The following PTPRK variants were observed in gnomAD, a reference collection of about 807,000 sequenced individuals.
PTPRK encodes receptor-type tyrosine-protein phosphatase kappa.
Under a neutral mutation model 178.0 loss-of-function variants are expected in PTPRK, and 75 were observed. The observed-to-expected ratio is 0.42, with a 90% CI of 0.35 to 0.51. PTPRK has a LOEUF of 0.51. Among genes scored for constraint, PTPRK ranks in the 20% least tolerant of loss-of-function variants. The probability of loss-of-function intolerance (pLI) is 0.02; values close to 1 mark genes in which losing one functional copy is unlikely to be tolerated. For synonymous variants in PTPRK, 637 were observed against 620.6 expected, an observed-to-expected ratio of 1.03 and a Z score of -0.39; for missense variants, 1,441 against 1,797.8, an observed-to-expected ratio of 0.80 and a Z score of 3.59.
chr6:128,070,544 C>T (rs1782635584), intron 11 of PTPRK, among the ~76,000 whole-genome samples: 1 of 151,890 alleles, frequency 6.6e-6, no homozygotes, highest in South Asian at 2.1e-4. Context: ...CACATAAATA[C>T]AAAAAGACTT....
At chr6:128,248,398 C>T (rs1815855063) in intron 3 of PTPRK, among the ~76,000 whole-genome samples, 1 of 152,162 alleles carries the variant, frequency 6.6e-6, no homozygotes, top group African/African-American at 2.4e-5. Flanking sequence ...ATCTTTCACT[C>T]TCTTTGCCCT....
rs1055870237 is a variant in PTPRK, at chr6:128,116,008, C to T, written c.1163-26016G>A. Among the ~76,000 whole-genome samples the T allele has an allele frequency of 7.2e-5, 11 of 152,068 alleles. 1 individual carries two copies. Among genetic ancestry groups the T allele is most frequent in the Admixed American group, 7.2e-4 (11 of 15,256 alleles). On this transcript the variant is annotated intron_variant, in intron 7 of 29. Coordinates refer to ENST00000368226, the MANE Select transcript of PTPRK (RefSeq NM_002844.4). Reference sequence around the variant, plus strand: ...CACTAAAGCCCTCCTTAACATTCCTCCCCAAAACTACTCACAGACTATTGC... The same window carrying T: ...CACTAAAGCCCTCCTTAACATTCCTTCCCAAAACTACTCACAGACTATTGC...
intron 3 of PTPRK, among the ~76,000 whole-genome samples, chr6:128,268,918 G>A (rs971872762): frequency 6.6e-6 from 1 of 151,920 alleles, no homozygotes. Context: ...AAACACAGAG[G>A]ATTTAAATAT....
chr6:128,091,064 C>A (rs1052794737), intron 7 of PTPRK, among the ~76,000 whole-genome samples: 1 of 152,014 alleles, frequency 6.6e-6, no homozygotes, highest in Non-Finnish European at 1.5e-5. Flanking sequence ...AGATGGCAAG[C>A]CCAAACTGGG....
At chr6:128,364,542 T>C (rs185723041) in intron 2 of PTPRK, among the ~76,000 whole-genome samples, 1 of 152,066 alleles carries the variant, frequency 6.6e-6, no homozygotes, top group Non-Finnish European at 1.5e-5. Context: ...TGGTAACATT[T>C]ACAAAGGAAA....
intron 14 of PTPRK, 107 bp from the exon 15 acceptor site, chr6:128,005,351 G>A: frequency 9.0e-7 from 1 of 1,112,046 alleles, no homozygotes; most frequent in Non-Finnish European, 1.3e-6. Flanking sequence ...TTACAAACAT[G>A]GTTTAGAAAC....
At chr6:128,246,052 G>C (rs985412108) in intron 3 of PTPRK, among the ~76,000 whole-genome samples, 1 of 152,126 alleles carries the variant, frequency 6.6e-6, no homozygotes, top group Non-Finnish European at 1.5e-5. Context: ...AAACTAAAAG[G>C]TGTGATTGTC....
At chr6:128,266,622 C>T (rs1738286) in intron 3 of PTPRK, among the ~76,000 whole-genome samples, 5,732 of 152,098 alleles carry the variant, frequency 0.038, 360 homozygotes, top group African/African-American at 0.13. Context: ...AATAGAATCA[C>T]GAGACTATAA....
At chr6:128,086,557 G>T (rs1785869668) in intron 8 of PTPRK, among the ~76,000 whole-genome samples, 1 of 152,068 alleles carries the variant, frequency 6.6e-6, no homozygotes, top group Non-Finnish European at 1.5e-5. Flanking sequence ...TTATTAGGTG[G>T]CTGATAATTT....
At chr6:128,098,117 T>C (rs1335099135) in intron 7 of PTPRK, among the ~76,000 whole-genome samples, 3 of 152,146 alleles carry the variant, frequency 2.0e-5, no homozygotes, top group East Asian at 1.9e-4. Flanking sequence ...TAGTATATGG[T>C]TGGAAATTTT....
intron 3 of PTPRK, among the ~76,000 whole-genome samples, chr6:128,281,589 A>G (rs1304863841): frequency 6.6e-6 from 1 of 152,118 alleles, no homozygotes; most frequent in Non-Finnish European, 1.5e-5. Flanking sequence ...GTCTAGAATC[A>G]GGGACTGTAT....
chr6:128,273,748 A>G (rs539394131), intron 3 of PTPRK, among the ~76,000 whole-genome samples: 1 of 152,288 alleles, frequency 6.6e-6, no homozygotes, highest in East Asian at 1.9e-4. Flanking sequence ...CTAATAAGAA[A>G]CATTCCAGTA....
At chr6:128,345,514 A>C (rs992826456) in intron 2 of PTPRK, among the ~76,000 whole-genome samples, 2 of 152,232 alleles carry the variant, frequency 1.3e-5, no homozygotes, top group Non-Finnish European at 2.9e-5. Context: ...CATTGTACTA[A>C]AGACGGGGTC....
intron 2 of PTPRK, among the ~76,000 whole-genome samples, chr6:128,374,398 C>T (rs1836728375): frequency 6.6e-6 from 1 of 152,118 alleles, no homozygotes; most frequent in Non-Finnish European, 1.5e-5. Flanking sequence ...GATAATCAGA[C>T]ATGCATATCG....
At chr6:128,102,657 TA>T (rs1264665504) in intron 7 of PTPRK, among the ~76,000 whole-genome samples, 6 of 152,142 alleles carry the variant, frequency 3.9e-5, no homozygotes, top group African/African-American at 1.4e-4. Flanking sequence ...GGAAGGAAAA[TA>T]CTTTTGAATG....
In PTPRK at chr6:128,072,520, G is replaced by A. The variant is rs188226102; in HGVS notation, c.1884-4728C>T. On this transcript the variant is annotated intron_variant, in intron 11 of 29. Coordinates refer to ENST00000368226, the MANE Select transcript of PTPRK (RefSeq NM_002844.4). ...CATGTATTACATATCACTAGCCCAGGATAATAGCAACATTAAAATTTGAAG... is the reference window on the plus strand; with the variant it reads ...CATGTATTACATATCACTAGCCCAGAATAATAGCAACATTAAAATTTGAAG... Among the ~76,000 whole-genome samples, 1,175 of 152,044 alleles carry A rather than the reference G, an allele frequency of 7.7e-3. 4 individuals carry two copies. The highest frequency in any genetic ancestry group is 0.011 in the Non-Finnish European group (763 of 67,930).
chr6:128,352,780 A>AAT (rs1275394043), intron 2 of PTPRK, among the ~76,000 whole-genome samples: 1 of 152,234 alleles, frequency 6.6e-6, no homozygotes, highest in Non-Finnish European at 1.5e-5. Flanking sequence ...AACATCTTAT[A>AAT]ATGACTGCAA....
At chr6:128,047,732 C>T (rs1369212704) in intron 13 of PTPRK, among the ~76,000 whole-genome samples, 1 of 152,100 alleles carries the variant, frequency 6.6e-6, no homozygotes, top group Non-Finnish European at 1.5e-5. Context: ...TGGAAACTAG[C>T]CACTATTTTT....
intron 1 of PTPRK, among the ~76,000 whole-genome samples, chr6:128,453,389 T>G: frequency 6.6e-6 from 1 of 152,130 alleles, no homozygotes; most frequent in East Asian, 1.9e-4. Flanking sequence ...GTAGATAAAT[T>G]TTAGCTTCTG....
Sources: gnomAD v4.1 joint callset for allele counts (sites outside exome capture counted in the v4.1 genomes callset) on GRCh38, gnomAD v4.1.1 for gene constraint, MANE v1.5 for transcripts, NCBI Gene and HGNC (gene_info 2026-07-23, HGNC 2026-07-21) for gene names.